XKR6: variants seen among roughly 807,000 people sequenced by gnomAD.
XKR6 encodes XK related 6, also known as XK-related protein 6.
XKR6 carries 22 observed loss-of-function variants against 56.7 expected under a neutral mutation model. That is an observed-to-expected ratio of 0.39 (90% CI 0.28 to 0.55). The LOEUF is 0.55. XKR6 is among the 20% of genes least tolerant of loss of function. XKR6 has a pLI of 0.66. For missense variants in XKR6, 852 were observed against 889.0 expected, an observed-to-expected ratio of 0.96 and a Z score of 0.53; for synonymous variants, 524 against 387.8, an observed-to-expected ratio of 1.35 and a Z score of -4.13.
intron 1 of XKR6, among the ~76,000 whole-genome samples, chr8:10,997,218 T>A (rs1047069188): frequency 4.6e-5 from 7 of 152,210 alleles, no homozygotes; most frequent in Non-Finnish European, 1.0e-4. Flanking sequence ...ACCAAGTTCA[T>A]GCCAGCCACC....
chr8:10,952,215 G>T (rs1198730010), intron 1 of XKR6, among the ~76,000 whole-genome samples: 1 of 152,110 alleles, frequency 6.6e-6, no homozygotes, highest in African/African-American at 2.4e-5. Flanking sequence ...TCACCCACAG[G>T]CCTCCCCGTG....
chr8:11,031,991 C>A (rs552913948), intron 1 of XKR6, among the ~76,000 whole-genome samples: 1 of 152,330 alleles, frequency 6.6e-6, no homozygotes, highest in Admixed American at 6.5e-5. Context: ...CAGCTGTTTC[C>A]AAGCAGGTGT....
rs150169594 is a variant in XKR6, at chr8:11,122,005, A to G, written c.764+78571T>C. Among the ~76,000 whole-genome samples, 893 of 152,332 alleles carry G rather than the reference A, an allele frequency of 5.9e-3. 12 individuals are homozygous for G. Among genetic ancestry groups the G allele is most frequent in the African/African-American group, 0.021 (862 of 41,572 alleles). On this transcript the variant is annotated intron_variant, in intron 1 of 2. Transcript: ENST00000416569. The stretch of plus-strand genomic sequence containing the variant: ...AACAATAAGAACACTTGGATACAGG[A>G]AGGGGAACATCACACACAATGGGAT...
At chr8:11,041,965 A>G (rs1488085560) in intron 1 of XKR6, among the ~76,000 whole-genome samples, 1 of 152,256 alleles carries the variant, frequency 6.6e-6, no homozygotes, top group Non-Finnish European at 1.5e-5. Flanking sequence ...TGTACTGTAT[A>G]TATATAAGTG....
intron 1 of XKR6, among the ~76,000 whole-genome samples, chr8:10,981,436 C>T (rs923159688): frequency 3.3e-5 from 5 of 152,100 alleles, no homozygotes; most frequent in Admixed American, 6.6e-5. Flanking sequence ...GATCAGATTG[C>T]GGGTGAGGAG....
At position 11,171,882 on chromosome 8, in the gene XKR6, A is replaced by G. The variant is rs1802390416; in HGVS notation, c.764+28694T>C. Reference sequence around the variant, plus strand: ...AGCATGGCAAACATGGTGAAACCCCATCTCTACCAAAAATACAAAACTTAG... The same window carrying G: ...AGCATGGCAAACATGGTGAAACCCCGTCTCTACCAAAAATACAAAACTTAG... On this transcript the variant is annotated intron_variant, in intron 1 of 2. Transcript: ENST00000416569. 2.0e-5 allele frequency among the ~76,000 whole-genome samples: 3 copies of G among 151,682 alleles called. No homozygotes were observed. The South Asian group carries it at 6.3e-4, about 32-fold the overall frequency.
intron 1 of XKR6, among the ~76,000 whole-genome samples, chr8:11,052,516 T>C (rs1174690579): frequency 6.6e-6 from 1 of 152,106 alleles, no homozygotes; most frequent in Non-Finnish European, 1.5e-5. Flanking sequence ...TAAGGCTCTG[T>C]TGAATGGGTG....
At chr8:11,009,053 A>T (rs745493219) in intron 1 of XKR6, among the ~76,000 whole-genome samples, 1 of 139,128 alleles carries the variant, frequency 7.2e-6, no homozygotes, top group Non-Finnish European at 1.5e-5. Context: ...CCAGGCCCCA[A>T]ATTACACCTC....
intron 1 of XKR6, among the ~76,000 whole-genome samples, chr8:11,135,079 C>A (rs1409417615): frequency 2.7e-5 from 4 of 149,670 alleles, no homozygotes; most frequent in Non-Finnish European, 5.9e-5. Context: ...GTCGCCCAGG[C>A]TGAAGTGCAG....
At chr8:11,142,340 G>A (rs1033576473) in intron 1 of XKR6, among the ~76,000 whole-genome samples, 1 of 152,104 alleles carries the variant, frequency 6.6e-6, no homozygotes, top group African/African-American at 2.4e-5. Context: ...AAGCTATAAG[G>A]GCTTGTAAGG....
rs570226046 is a variant in XKR6, at chr8:11,194,987, T to C, written c.764+5589A>G. 2.5e-5 allele frequency: 14 copies of C among 559,982 alleles called. 1 individual carries two copies. Among genetic ancestry groups the C allele is most frequent in the African/African-American group, 2.3e-4 (12 of 52,254 alleles). 34.7% of individuals were successfully genotyped at this position (559,982 alleles called of 1,614,324 possible). A position where few individuals can be genotyped will look rare whatever the true frequency, so the allele number is the denominator to read the frequency against. On this transcript the variant is annotated intron_variant, in intron 1 of 2. Transcript: ENST00000416569. ...AAATTTACCATAAATGTCAAGTTTT[T>C]AGGGTTACTGTTCACTCAAAAACAA...
chr8:11,033,087 GATA>G (rs777068004), intron 1 of XKR6, among the ~76,000 whole-genome samples: 7 of 152,092 alleles, frequency 4.6e-5, no homozygotes, highest in South Asian at 2.1e-4. Flanking sequence ...TGGTAATGGT[GATA>G]ATGATGATGA....
chr8:11,029,122 T>C (rs1798935363), intron 1 of XKR6, among the ~76,000 whole-genome samples: 1 of 152,152 alleles, frequency 6.6e-6, no homozygotes, highest in South Asian at 2.1e-4. Flanking sequence ...CTCTGCTCTT[T>C]CATGTGAGCT....
chr8:11,120,272 T>C (rs572340691), intron 1 of XKR6, among the ~76,000 whole-genome samples: 1 of 152,312 alleles, frequency 6.6e-6, no homozygotes, highest in East Asian at 1.9e-4. Flanking sequence ...GACATGATTG[T>C]ATATTTAGAA....
intron 2 of XKR6, among the ~76,000 whole-genome samples, chr8:10,901,193 C>A (rs1265524575): frequency 1.3e-5 from 2 of 151,842 alleles, no homozygotes; most frequent in Non-Finnish European, 2.9e-5. Context: ...GTAGCTGGGA[C>A]TACAGGTGCA....
intron 1 of XKR6, among the ~76,000 whole-genome samples, chr8:10,970,460 A>G (rs1563319237): frequency 6.6e-6 from 1 of 152,220 alleles, no homozygotes; most frequent in Non-Finnish European, 1.5e-5. Flanking sequence ...CTAAGCACCA[A>G]GACACAAGGT....
chr8:10,989,255 A>G (rs544212191), intron 1 of XKR6, among the ~76,000 whole-genome samples: 1 of 152,390 alleles, frequency 6.6e-6, no homozygotes, highest in East Asian at 1.9e-4. Flanking sequence ...GTAGTGAGAT[A>G]AAATGAAGGC....
rs1798949251 is a variant in XKR6 at position 11,112,439 on chromosome 8, A to G, written c.764+88137T>C. Among the ~76,000 whole-genome samples, 3 of 152,328 alleles carry G rather than the reference A, an allele frequency of 2.0e-5. No individual in the cohort carries two copies. The South Asian group carries it at 6.2e-4, about 32-fold the overall frequency. On this transcript the variant is annotated intron_variant, in intron 1 of 2. Transcript: ENST00000416569. ...AAAGAAAAAAAAACAATTTTTTGGC[A>G]AAAGAAATCAAAATTTCCAAAAGTA...
chr8:11,108,753 C>G (rs888095024), intron 1 of XKR6: 8 of 181,042 alleles, frequency 4.4e-5, no homozygotes, highest in Admixed American at 6.2e-5. Context: ...AGAACAGAGT[C>G]AGATCACCGG....
Sources: allele counts gnomAD v4.1 joint callset (sites outside exome capture counted in the v4.1 genomes callset), GRCh38; gene constraint gnomAD v4.1.1; transcripts MANE v1.5; gene names NCBI Gene and HGNC (gene_info 2026-07-23, HGNC 2026-07-21).